Variants in UPRT observed in about 807,000 individuals in gnomAD.
UPRT encodes RP11-311P8.3.
Under a neutral mutation model 22.6 loss-of-function variants are expected in UPRT, and 5 were observed. The observed-to-expected ratio is 0.22, with a 90% CI of 0.12 to 0.47. The LOEUF is 0.47. Ranked by LOEUF, UPRT falls within the 20% of genes least tolerant of loss-of-function variation. The pLI is 0.99. For missense variants in UPRT, 181 were observed against 239.9 expected (o/e 0.75, Z 1.62); for synonymous variants, 77 against 87.7 (o/e 0.88, Z 0.68).
chrX:75,299,642 G>T, intron 4 of UPRT, 93 bp from the exon 5 acceptor site: 1 of 877,383 alleles, frequency 1.1e-6, no homozygotes, highest in Non-Finnish European at 1.5e-6. Flanking sequence ...CTTCCTTTTT[G>T]TATTAATAAC....
At chrX:75,288,781 A>G (rs929363098) in intron 1 of UPRT, among the ~76,000 whole-genome samples, 2 of 111,800 alleles carry the variant, frequency 1.8e-5, no homozygotes, top group Admixed American at 1.9e-4. Flanking sequence ...CTGGAACAAG[A>G]CAAGGATACT....
At chrX:75,255,305 C>A (rs1440341524) in intron 4 of UPRT, among the ~76,000 whole-genome samples, 2 of 111,381 alleles carry the variant, frequency 1.8e-5, no homozygotes, top group Non-Finnish European at 3.8e-5. Flanking sequence ...CAAATAAATG[C>A]TGAGAGAATT....
intron 4 of UPRT, among the ~76,000 whole-genome samples, chrX:75,241,285 A>C (rs976804101): frequency 8.9e-6 from 1 of 111,801 alleles, no homozygotes; most frequent in Non-Finnish European, 1.9e-5. Context: ...GACAATTCCC[A>C]AAAGAAGATA....
chrX:75,258,504 G>A (rs778931658), intron 4 of UPRT, among the ~76,000 whole-genome samples: 1 of 111,445 alleles, frequency 9.0e-6, no homozygotes, highest in African/African-American at 3.3e-5. Context: ...ACAAAGCCAC[G>A]AGGAAGTTCA....
At chrX:75,273,432 G>A (rs1461301091), upstream of UPRT, among the ~76,000 whole-genome samples, 1 of 111,136 alleles carries the variant, frequency 9.0e-6, no homozygotes, top group Non-Finnish European at 1.9e-5. Context: ...TACAATTATT[G>A]TGGTACATAC....
chrX:75,206,217 G>T (rs990215910), intron 4 of UPRT, among the ~76,000 whole-genome samples: 1 of 111,237 alleles, frequency 9.0e-6, no homozygotes, highest in East Asian at 2.8e-4. Flanking sequence ...TGCCTTTTCG[G>T]TGGTGGTAGG....
At chrX:75,170,073 G>C (rs1210906443) in intron 4 of UPRT, among the ~76,000 whole-genome samples, 2 of 84,575 alleles carry the variant, frequency 2.4e-5, no homozygotes, top group Non-Finnish European at 4.3e-5. Flanking sequence ...GTCTCAATCT[G>C]TCACCCAGGC....
intron 4 of UPRT, among the ~76,000 whole-genome samples, chrX:75,174,099 G>A (rs1268124842): frequency 8.0e-5 from 9 of 112,330 alleles, no homozygotes; most frequent in Admixed American, 1.9e-4. Context: ...CTGGGAGCCC[G>A]GGCAGAGGAA....
intron 1 of UPRT, among the ~76,000 whole-genome samples, chrX:75,159,094 C>T (rs1163275063): frequency 1.8e-5 from 2 of 111,964 alleles, no homozygotes; most frequent in Non-Finnish European, 3.8e-5. Context: ...TACCCATTGA[C>T]CAACCTCTTT....
intron 1 of UPRT, among the ~76,000 whole-genome samples, chrX:75,281,661 T>G (rs780324747): frequency 2.7e-5 from 3 of 111,752 alleles, no homozygotes; most frequent in Non-Finnish European, 5.6e-5. Flanking sequence ...TTGGAATTGG[T>G]TAGCTAGTAT....
chrX:75,187,161 C>T (rs1371087755), intron 4 of UPRT, among the ~76,000 whole-genome samples: 3 of 111,404 alleles, frequency 2.7e-5, no homozygotes, highest in Admixed American at 9.5e-5. Context: ...CAGGTGGTAC[C>T]GGTTGTTTCT....
At chrX:75,229,571 G>C (rs1172052880) in intron 4 of UPRT, among the ~76,000 whole-genome samples, 12 of 112,033 alleles carry the variant, frequency 1.1e-4, no homozygotes, top group Non-Finnish European at 2.3e-4. Flanking sequence ...GAAAAAGTCA[G>C]CCTCTGAACA....
At chrX:75,250,974 C>T (rs1349957413) in intron 4 of UPRT, among the ~76,000 whole-genome samples, 1 of 111,681 alleles carries the variant, frequency 9.0e-6, no homozygotes, top group African/African-American at 3.3e-5. Context: ...ATGATTATCT[C>T]AATAGATGCA....
At chrX:75,218,554 C>T (rs1371613455) in intron 4 of UPRT, among the ~76,000 whole-genome samples, 2 of 97,108 alleles carry the variant, frequency 2.1e-5, no homozygotes, top group Non-Finnish European at 4.1e-5. Flanking sequence ...ACCCAAAGGA[C>T]TATAAATCAT....
intron 1 of UPRT, among the ~76,000 whole-genome samples, chrX:75,278,247 A>G (rs191338718): frequency 2.7e-5 from 3 of 112,109 alleles, no homozygotes; most frequent in East Asian, 5.6e-4. Flanking sequence ...GTTGTTGTAT[A>G]TATGTGAAAC....
chrX:75,158,681 C>T, intron 1 of UPRT, among the ~76,000 whole-genome samples: 1 of 111,840 alleles, frequency 8.9e-6, no homozygotes, highest in East Asian at 2.8e-4. Context: ...TCTTCTGTTT[C>T]TAAAAAATAC....
At chrX:75,256,915 T>C (rs2082551468) in intron 4 of UPRT, among the ~76,000 whole-genome samples, 1 of 111,401 alleles carries the variant, frequency 9.0e-6, no homozygotes, top group African/African-American at 3.3e-5. Context: ...ACAAGAAGGA[T>C]TAATGGCAGA....
At chrX:75,300,314 G>A (rs971536644) in intron 5 of UPRT, among the ~76,000 whole-genome samples, 4 of 111,596 alleles carry the variant, frequency 3.6e-5, no homozygotes, top group Non-Finnish European at 5.6e-5. Context: ...GTCTTTAAGG[G>A]AGGTGAGAGG....
intron 4 of UPRT, among the ~76,000 whole-genome samples, chrX:75,187,057 C>T (rs918782374): frequency 9.0e-6 from 1 of 111,081 alleles, no homozygotes; most frequent in Non-Finnish European, 1.9e-5. Context: ...GCATTGGATC[C>T]TGTCATTGTG....
Sources: allele counts gnomAD v4.1 joint callset (sites outside exome capture counted in the v4.1 genomes callset), GRCh38; gene constraint gnomAD v4.1.1; transcripts MANE v1.5; gene names NCBI Gene and HGNC (gene_info 2026-07-23, HGNC 2026-07-21).